The following ERC2 variants were observed in gnomAD, a reference collection of about 807,000 sequenced individuals.
ERC2 encodes the protein ELKS/RAB6-interacting/CAST family member 2.
ERC2 carries 42 observed loss-of-function variants against 114.8 expected under a neutral mutation model. The observed-to-expected ratio is 0.37, with a 90% CI of 0.29 to 0.47. The LOEUF (loss-of-function observed/expected upper bound fraction) is 0.47. Among genes scored for constraint, ERC2 ranks in the 20% least tolerant of loss-of-function variants. The probability of loss-of-function intolerance (pLI) is 0.99; values close to 1 mark genes in which losing one functional copy is unlikely to be tolerated. For missense variants in ERC2, 939 were observed against 1,150.7 expected, an observed-to-expected ratio of 0.82 and a Z score of 2.66; for synonymous variants, 454 against 425.5, an observed-to-expected ratio of 1.07 and a Z score of -0.82.
intron 14 of ERC2, among the ~76,000 whole-genome samples, chr3:55,796,435 T>C (rs914778606): frequency 6.6e-6 from 1 of 152,166 alleles, no homozygotes; most frequent in African/African-American, 2.4e-5. Context: ...TTCTTTTTCT[T>C]TCTTTTTTTA....
chr3:56,270,678 C>T (rs1008121000), intron 3 of ERC2, among the ~76,000 whole-genome samples: 6 of 151,976 alleles, frequency 3.9e-5, no homozygotes, highest in Admixed American at 6.6e-5. Context: ...GAAAACAAGG[C>T]CTATAAAAGA....
At chr3:56,056,813 A>G (rs141685407) in intron 7 of ERC2, among the ~76,000 whole-genome samples, 7 of 152,236 alleles carry the variant, frequency 4.6e-5, no homozygotes, top group African/African-American at 1.7e-4. Flanking sequence ...GAATGAAGAC[A>G]CCTTCCCTGG....
chr3:55,639,562 C>A (rs1365415946), intron 17 of ERC2, among the ~76,000 whole-genome samples: 1 of 152,198 alleles, frequency 6.6e-6, no homozygotes, highest in African/African-American at 2.4e-5. Context: ...AATGAACAAA[C>A]AAGTGAATAA....
At chr3:56,225,195 T>A (rs2050171788) in intron 3 of ERC2, among the ~76,000 whole-genome samples, 1 of 152,120 alleles carries the variant, frequency 6.6e-6, no homozygotes, top group Non-Finnish European at 1.5e-5. Context: ...TTGTTAACTG[T>A]TTCAAAAGGA....
At chr3:55,594,602 C>T (rs2058048943) in intron 17 of ERC2, among the ~76,000 whole-genome samples, 1 of 152,132 alleles carries the variant, frequency 6.6e-6, no homozygotes, top group South Asian at 2.1e-4. Context: ...CTGTCTCAGC[C>T]TCCCAAGTAG....
chr3:55,826,739 G>A (rs1378174829), intron 14 of ERC2, among the ~76,000 whole-genome samples: 3 of 152,032 alleles, frequency 2.0e-5, no homozygotes, highest in Non-Finnish European at 4.4e-5. Flanking sequence ...ATATTCATTC[G>A]GTAGAAAGTC....
chr3:55,871,519 A>G lies in ERC2; in HGVS notation c.2564+16870T>C, dbSNP rs1384398576. 2.0e-5 allele frequency among the ~76,000 whole-genome samples: 3 copies of G among 151,992 alleles called. No homozygotes were observed. In the East Asian group the frequency reaches 5.8e-4, roughly 29 times the overall value. ...ACCCTTAGGTGTAGATAATGTGACC[A>G]ATGATCAGTTCAAGTTCACACTCTG... On this transcript the variant is annotated intron_variant, in intron 14 of 17. Transcript: ENST00000288221.
intron 17 of ERC2, among the ~76,000 whole-genome samples, chr3:55,539,956 A>G (rs2054286033): frequency 6.9e-6 from 1 of 145,266 alleles, no homozygotes; most frequent in African/African-American, 2.5e-5. Context: ...AACTTTTTAC[A>G]GTTCTATGGA....
At chr3:56,313,098 A>C (rs1211051195) in intron 2 of ERC2, among the ~76,000 whole-genome samples, 2 of 144,300 alleles carry the variant, frequency 1.4e-5, no homozygotes, top group Non-Finnish European at 3.0e-5. Context: ...CCATAAACAA[A>C]AATGTGTCCA....
chr3:56,311,545 C>T lies in ERC2; in HGVS notation c.658-15110G>A, dbSNP rs189959619. Among the ~76,000 whole-genome samples, 1,393 of 151,684 alleles carry T rather than the reference C, an allele frequency of 9.2e-3. 19 individuals are homozygous for T. Among genetic ancestry groups the T allele is most frequent in the African/African-American group, 0.03 (1,249 of 41,326 alleles). On this transcript the variant is annotated intron_variant, in intron 2 of 17. Transcript: ENST00000288221. ...CAATCTCCTGACCTCGTGATCCGCCCGCCTCGGCCTTCTAAAGTGATGGGA... is the reference window on the plus strand; with the variant it reads ...CAATCTCCTGACCTCGTGATCCGCCTGCCTCGGCCTTCTAAAGTGATGGGA...
chr3:56,185,512 C>G (rs1296013796), intron 3 of ERC2, among the ~76,000 whole-genome samples: 1 of 152,088 alleles, frequency 6.6e-6, no homozygotes, highest in African/African-American at 2.4e-5. Flanking sequence ...CATACATAAG[C>G]GATTTAGACA....
At chr3:55,929,904 C>T (rs922528638) in intron 13 of ERC2, among the ~76,000 whole-genome samples, 1 of 152,154 alleles carries the variant, frequency 6.6e-6, no homozygotes, top group Non-Finnish European at 1.5e-5. Flanking sequence ...TCCTGTACAG[C>T]CTGTGGAACT....
At chr3:55,714,316 C>T (rs1404378574) in intron 15 of ERC2, among the ~76,000 whole-genome samples, 4 of 152,034 alleles carry the variant, frequency 2.6e-5, no homozygotes, top group Non-Finnish European at 5.9e-5. Context: ...CCAATAGTCT[C>T]TTCCTGAAAA....
At chr3:55,766,674 C>G (rs1416502704) in intron 14 of ERC2, 1 of 152,294 alleles carries the variant, frequency 6.6e-6, no homozygotes, top group Non-Finnish European at 1.5e-5. Flanking sequence ...CACTCACCCT[C>G]TGGCCCCACC....
At chr3:55,712,321 G>A (rs1481994538) in intron 15 of ERC2, among the ~76,000 whole-genome samples, 1 of 152,142 alleles carries the variant, frequency 6.6e-6, no homozygotes, top group Admixed American at 6.6e-5. Context: ...GGTGAGAGGC[G>A]AGGATGCCCA....
rs1159931712 is a variant in ERC2 at position 55,952,166 on chromosome 3, C to CTATAT, written c.2268-1607_2268-1606insATATA. On this transcript the variant is annotated intron_variant, in intron 12 of 17. Transcript: ENST00000288221. ...ACACACACACACACACACACACACA[C>CTATAT]ACACACACACACACTCTCTCTCTCT... Among the ~76,000 whole-genome samples the CTATAT allele has an allele frequency of 2.7e-4, 24 of 89,596 alleles. 1 individual carries two copies. The highest frequency in any genetic ancestry group is 4.3e-4 in the South Asian group (1 of 2,344). The allele number at this position is 89,596 out of a possible 152,430, so 58.8% of individuals were successfully genotyped here.
chr3:56,303,850 T>C (rs2056056787), intron 2 of ERC2, among the ~76,000 whole-genome samples: 1 of 151,916 alleles, frequency 6.6e-6, no homozygotes, highest in South Asian at 2.1e-4. Context: ...AGGCAGTGGG[T>C]GGGCAAGGAC....
At chr3:56,100,997 CCT>C (rs1210179630) in intron 6 of ERC2, among the ~76,000 whole-genome samples, 1 of 152,186 alleles carries the variant, frequency 6.6e-6, no homozygotes, top group Non-Finnish European at 1.5e-5. Context: ...AAAAAATCAT[CCT>C]CTGTTTTTCT....
intron 17 of ERC2, among the ~76,000 whole-genome samples, chr3:55,576,455 G>A (rs922155339): frequency 9.9e-5 from 15 of 152,204 alleles, no homozygotes; most frequent in Admixed American, 2.0e-4. Flanking sequence ...TTTTACAGAT[G>A]AGGAAACCGA....
Sources: gnomAD v4.1 joint callset for allele counts (sites outside exome capture counted in the v4.1 genomes callset) on GRCh38, gnomAD v4.1.1 for gene constraint, MANE v1.5 for transcripts, NCBI Gene and HGNC (gene_info 2026-07-23, HGNC 2026-07-21) for gene names.